The following TRPV3 variants were observed in gnomAD, a reference collection of about 807,000 sequenced individuals.
TRPV3 encodes VRL-3.
In TRPV3, 88 loss-of-function variants were observed where a neutral mutation model predicts 87.1. The ratio of observed to expected loss-of-function variants is 1.01; its 90% CI spans 0.85 to 1.21. TRPV3 has a LOEUF of 1.21. Ranked by LOEUF, TRPV3 falls within the 50% of genes most tolerant of loss-of-function variation. TRPV3 has a pLI of 0.00. For synonymous variants in TRPV3, 438 were observed against 423.3 expected (o/e 1.03, Z -0.43); for missense variants, 1,054 against 1,030.1 (o/e 1.02, Z -0.32).
At chr17:3,545,124 G>T (rs540128791) in intron 3 of TRPV3, 43 bp downstream of exon 3, 157 of 1,469,868 alleles carry the variant, frequency 1.1e-4, no homozygotes, top group Non-Finnish European at 1.4e-4. Context: ...TGGAGCTGAG[G>T]GCTGGGCCCA....
At chr17:3,519,476 A>AGATGATTGGATGGATGGATGGATG (rs60157306) in intron 14 of TRPV3, among the ~76,000 whole-genome samples, 30,274 of 108,054 alleles carry the variant, frequency 0.28, 4,121 homozygotes, top group South Asian at 0.33. Flanking sequence ...ATGGATGGAT[A>AGATGATTGGATGGATGGATGGATG]GATGATTGGA....
Position 3,524,267 on chromosome 17 carries a change from GCCC to G in TRPV3, c.1671_1673del (p.Gly558del), listed in dbSNP as rs761100063. 6.2e-7 allele frequency: 1 copy of G among 1,614,236 alleles called. No individual in the cohort carries two copies. The highest frequency in any genetic ancestry group is 8.5e-7 in the Non-Finnish European group (1 of 1,180,042). On this transcript the variant is annotated inframe_deletion, in exon 13 of 18. Transcript: ENST00000576742. ...GCGTATAGTAGAGCATGTTCGCCCA[GCCC>G]AGGGCCATGGCCAGCACGAGGCAGG...
rs2074203486 is a variant in TRPV3 at position 3,518,457 on chromosome 17, G to C, written c.2085+119C>G. Reference sequence around the variant, plus strand: ...TCCTCAAACCTGGCCACACACTGAGGAGCTTGTGCAGATTCTCAGGCCCCA... The same window carrying C: ...TCCTCAAACCTGGCCACACACTGAGCAGCTTGTGCAGATTCTCAGGCCCCA... On this transcript the variant is annotated intron_variant, in intron 15 of 17. Coordinates refer to ENST00000576742, the MANE Select transcript of TRPV3 (RefSeq NM_145068.4). The surrounding 1 kb of genome is among the most constrained non-coding windows in gnomAD (Gnocchi z 4.3). 1.6e-6 allele frequency: 2 copies of C among 1,215,212 alleles called. No individual in the cohort carries two copies. The highest frequency in any genetic ancestry group is 2.7e-5 in the Admixed American group (1 of 36,900). The allele number at this position is 1,215,212 out of a possible 1,614,324, so 75.3% of individuals were successfully genotyped here. A position where few individuals can be genotyped will look rare whatever the true frequency, so the allele number is the denominator to read the frequency against.
At chr17:3,541,236 C>T (rs2074456979) in intron 6 of TRPV3, among the ~76,000 whole-genome samples, 1 of 152,126 alleles carries the variant, frequency 6.6e-6, no homozygotes, top group Admixed American at 6.6e-5. Flanking sequence ...GGCATGGTGG[C>T]AGGTGCCTGT....
At chr17:3,550,256 G>A (rs2074561482) in intron 2 of TRPV3, among the ~76,000 whole-genome samples, 1 of 152,078 alleles carries the variant, frequency 6.6e-6, no homozygotes, top group Admixed American at 6.5e-5. Flanking sequence ...CTCATAAGAA[G>A]ATGAGGAGCA....
At chr17:3,515,509 A>C (rs983755222) in intron 16 of TRPV3, among the ~76,000 whole-genome samples, 7 of 152,060 alleles carry the variant, frequency 4.6e-5, no homozygotes, top group Non-Finnish European at 8.8e-5. Context: ...AAAAATACAA[A>C]AATTATCCAG....
At position 3,518,957 on chromosome 17, in the gene TRPV3, G is replaced by A. The variant is rs2074208539; in HGVS notation, c.1811-107C>T. 6.4e-6 allele frequency: 8 copies of A among 1,251,012 alleles called. No individual in the cohort carries two copies. In the South Asian group the frequency reaches 1.2e-4, roughly 19 times the overall value. The allele number at this position is 1,251,012 out of a possible 1,614,324, so 77.5% of individuals were successfully genotyped here. The stretch of plus-strand genomic sequence containing the variant: ...CAAGCCTGCTGCCTCCTTCTCTCTG[G>A]CCATTAAATCCCATCTCCAGTTTCA... On this transcript the variant is annotated intron_variant, in intron 14 of 17. Transcript: ENST00000576742. This position sits in a 1 kb window ranked among gnomAD's most constrained non-coding sequence, Gnocchi z 4.3.
intron 6 of TRPV3, among the ~76,000 whole-genome samples, chr17:3,538,249 A>G (rs955795945): frequency 2.6e-5 from 4 of 152,270 alleles, no homozygotes; most frequent in African/African-American, 7.2e-5. Context: ...ACAAGCGCCT[A>G]TGAATCAATA....
intron 12 of TRPV3, among the ~76,000 whole-genome samples, chr17:3,525,099 A>G (rs1044477274): frequency 6.6e-6 from 1 of 152,170 alleles, no homozygotes; most frequent in Non-Finnish European, 1.5e-5. Context: ...TGCTCACTGC[A>G]ACCTCCGCCT....
chr17:3,541,665 C>T (rs2074462421), intron 6 of TRPV3, among the ~76,000 whole-genome samples: 1 of 152,162 alleles, frequency 6.6e-6, no homozygotes, highest in Non-Finnish European at 1.5e-5. Flanking sequence ...ATGATGATGA[C>T]AACAGTCGAC....
rs1341110224 is a variant in TRPV3 at position 3,530,840 on chromosome 17, G to A, written c.1066-637C>T. 6.6e-6 allele frequency among the ~76,000 whole-genome samples: 1 copy of A among 152,146 alleles called. No homozygotes were observed. The highest frequency in any genetic ancestry group is 2.4e-5 in the African/African-American group (1 of 41,424). ...GGAGGCCGAGGCGGGTGGATCATTT[G>A]AGGTCAGGAGTTCGAGACCAGCCTG... On this transcript the variant is annotated intron_variant, in intron 8 of 17. Transcript: ENST00000576742. This position sits in a 1 kb window ranked among gnomAD's most constrained non-coding sequence, Gnocchi z 4.0.
intron 7 of TRPV3, 36 bp downstream of exon 7, chr17:3,535,537 C>T: frequency 6.5e-7 from 1 of 1,545,902 alleles, no homozygotes; most frequent in Non-Finnish European, 8.7e-7. Context: ...CTCCTCCCTC[C>T]TCCCAGACTC....
At chr17:3,538,754 T>C (rs972097055) in intron 6 of TRPV3, among the ~76,000 whole-genome samples, 7 of 152,028 alleles carry the variant, frequency 4.6e-5, no homozygotes, top group African/African-American at 1.7e-4. Context: ...CCTACTAGTT[T>C]TTGTATTTTT....
At position 3,535,614 on chromosome 17, in the gene TRPV3, G is replaced by GCC. The variant is rs1484368225; in HGVS notation, c.741_742dup (p.Ala248GlyfsTer35). On this transcript the variant is annotated frameshift_variant, in exon 7 of 18. Coordinates refer to ENST00000576742, the MANE Select transcript of TRPV3 (RefSeq NM_145068.4). LOFTEE classifies it high-confidence loss of function. ...GTGTTGGTACTTGGGGTTGAAGAAG[G>GCC]CCCCCTTGGCGTGCGCGTTGACGTC... 6.2e-7 allele frequency: 1 copy of GCC among 1,609,450 alleles called. No homozygotes were observed. The highest frequency in any genetic ancestry group is 2.3e-5 in the East Asian group (1 of 43,982).
At position 3,528,983 on chromosome 17, in the gene TRPV3, T is replaced by A; in HGVS notation, c.1255A>T (p.Met419Leu). ...YNTNIDNRHEMLTLEPLHTLL... is the reference protein window; with the variant it reads ...YNTNIDNRHELLTLEPLHTLL... The stretch of plus-strand genomic sequence containing the variant: ...GTGTGCAGCGGCTCCAGGGTCAGCA[T>A]CTCATGCCGGTTCTAGGGGTAGAAT... Residue 419 changes from methionine (M) to leucine (L), a missense_variant, in exon 10 of 18, where the codon ATG (methionine) becomes TTG (leucine). Coordinates refer to ENST00000576742, the MANE Select transcript of TRPV3 (RefSeq NM_145068.4). The surrounding 1 kb of genome is among the most constrained non-coding windows in gnomAD (Gnocchi z 4.2). 1 of 1,614,130 alleles carries A rather than the reference T, an allele frequency of 6.2e-7. No individual in the cohort carries two copies. Among genetic ancestry groups the A allele is most frequent in the Non-Finnish European group, 8.5e-7 (1 of 1,180,016 alleles).
At position 3,520,988 on chromosome 17, in the gene TRPV3, G is replaced by A; in HGVS notation, c.1795C>T (p.Leu599Phe). 1 of 1,604,790 alleles carries A rather than the reference G, an allele frequency of 6.2e-7. No individual in the cohort carries two copies. Among genetic ancestry groups the A allele is most frequent in the Non-Finnish European group, 8.5e-7 (1 of 1,173,008 alleles). Residue 599 changes from leucine to phenylalanine, a missense_variant, in exon 14 of 18, where the codon CTT (leucine) becomes TTT (phenylalanine). Coordinates refer to ENST00000576742, the MANE Select transcript of TRPV3 (RefSeq NM_145068.4). Reference protein sequence around the residue: ...KFLFVYIVFLLGFGVALASLI... With the variant: ...KFLFVYIVFLFGFGVALASLI... ...AATCAATTACCTACTCCAAATCCAA[G>A]CAAAAACACGATATATACAAACAAG...
chr17:3,536,211 A>G (rs1034019487), intron 6 of TRPV3, among the ~76,000 whole-genome samples: 2 of 152,206 alleles, frequency 1.3e-5, no homozygotes, highest in Non-Finnish European at 2.9e-5. Context: ...GCCTTGAATT[A>G]GGAAACTGGC....
chr17:3,514,174 G>A (rs951694676), intron 17 of TRPV3, 163 bp from the exon 18 acceptor site: 20 of 577,148 alleles, frequency 3.5e-5, no homozygotes, highest in Non-Finnish European at 5.9e-5. Flanking sequence ...CACCTCCCAG[G>A]TTCAAGCAAT....
intron 2 of TRPV3, chr17:3,552,706 G>A (rs1203702661): frequency 6.6e-6 from 1 of 152,260 alleles, no homozygotes; most frequent in African/African-American, 2.4e-5. Flanking sequence ...GGGGGGGATG[G>A]GCTCAGAGAA....
Sources: allele counts gnomAD v4.1 joint callset (sites outside exome capture counted in the v4.1 genomes callset), GRCh38; gene constraint gnomAD v4.1.1; non-coding constraint Gnocchi (gnomAD v3.1); transcripts MANE v1.5; gene names NCBI Gene and HGNC (gene_info 2026-07-23, HGNC 2026-07-21).